The following ELMO2 variants were observed in gnomAD, a reference collection of about 807,000 sequenced individuals.
The protein encoded by ELMO2 is engulfment and cell motility protein 2.
ELMO2 carries 37 observed loss-of-function variants against 96.2 expected under a neutral mutation model. The ratio of observed to expected loss-of-function variants is 0.38; its 90% CI spans 0.30 to 0.51. ELMO2 has a LOEUF of 0.51. ELMO2 is among the 20% of genes least tolerant of loss of function. The pLI is 0.88. For synonymous variants in ELMO2, 315 were observed against 329.4 expected, an observed-to-expected ratio of 0.96 and a Z score of 0.47; for missense variants, 561 against 912.6, an observed-to-expected ratio of 0.61 and a Z score of 4.96.
At chr20:46,404,345 A>G (rs1320922787) in intron 1 of ELMO2, among the ~76,000 whole-genome samples, 1 of 152,214 alleles carries the variant, frequency 6.6e-6, no homozygotes, top group Non-Finnish European at 1.5e-5. Flanking sequence ...ACAAGCTAGA[A>G]TATGCTGTAC....
chr20:46,394,835 A>G (rs569169201), intron 2 of ELMO2, among the ~76,000 whole-genome samples: 71 of 152,208 alleles, frequency 4.7e-4, no homozygotes, highest in Admixed American at 1.2e-3. Flanking sequence ...ATTTACTGCA[A>G]ATTCCTGTCT....
chr20:46,380,197 T>G, intron 11 of ELMO2, 56 bp downstream of exon 11: 1 of 1,374,140 alleles, frequency 7.3e-7, no homozygotes, highest in Non-Finnish European at 1.0e-6. Context: ...ATATTAACAA[T>G]AACAGTAATA....
At position 46,393,075 on chromosome 20, in the gene ELMO2, G is replaced by A. The variant is rs1275275576; in HGVS notation, c.243+18C>T. 1 of 1,611,776 alleles carries A rather than the reference G, an allele frequency of 6.2e-7. No individual in the cohort carries two copies. The highest frequency in any genetic ancestry group is 8.5e-7 in the Non-Finnish European group (1 of 1,178,006). ...GTTTGTGACATGAATAAACTCCTAAGGAAGAAAGAATACCTACCGGGGAGA... is the reference window on the plus strand; with the variant it reads ...GTTTGTGACATGAATAAACTCCTAAAGAAGAAAGAATACCTACCGGGGAGA... On this transcript the variant is annotated intron_variant, in intron 6 of 21. Coordinates refer to ENST00000290246, the MANE Select transcript of ELMO2 (RefSeq NM_133171.5).
chr20:46,375,395 C>T lies in ELMO2; in HGVS notation c.931-25G>A. ...CCTGCGAGGTGAAACAGACAGTCAG[C>T]AGGTGAATCGGCTAACCAAGGGAGC... On this transcript the variant is annotated intron_variant, in intron 12 of 21. Transcript: ENST00000290246. The surrounding 1 kb of genome is among the most constrained non-coding windows in gnomAD (Gnocchi z 4.6). The T allele has an allele frequency of 6.2e-7, 1 of 1,611,684 alleles. No individual in the cohort carries two copies. The highest frequency in any genetic ancestry group is 8.5e-7 in the Non-Finnish European group (1 of 1,178,160).
chr20:46,378,095 TTC>T lies in ELMO2; in HGVS notation c.807+2156_807+2157del, dbSNP rs1230941051. 3.3e-5 allele frequency among the ~76,000 whole-genome samples: 5 copies of T among 152,362 alleles called. No homozygotes were observed. The East Asian group carries it at 9.6e-4, about 29-fold the overall frequency. On this transcript the variant is annotated intron_variant, in intron 11 of 21. Transcript: ENST00000290246. ...TGATTCTGATTTTCATTCTCTTTAA[TTC>T]TCTTTCTCCAACTTAAGAAACATCA...
chr20:46,381,841 C>A (rs952907792), intron 10 of ELMO2, among the ~76,000 whole-genome samples: 1 of 152,174 alleles, frequency 6.6e-6, no homozygotes, highest in Admixed American at 6.5e-5. Context: ...AAAAAGGGCA[C>A]GGATACCTTT....
At chr20:46,394,877 C>T (rs1328620536) in intron 2 of ELMO2, among the ~76,000 whole-genome samples, 4 of 152,162 alleles carry the variant, frequency 2.6e-5, no homozygotes, top group Admixed American at 1.3e-4. Context: ...GCATATGCTC[C>T]GAGACAGATA....
intron 4 of ELMO2, 143 bp from the exon 5 acceptor site, chr20:46,393,744 G>GA: frequency 1.0e-6 from 1 of 987,770 alleles, no homozygotes; most frequent in Non-Finnish European, 1.5e-6. Flanking sequence ...TTGTCATGTT[G>GA]AAAAAATCAT....
At chr20:46,400,738 G>A (rs949579507) in intron 1 of ELMO2, among the ~76,000 whole-genome samples, 1 of 152,264 alleles carries the variant, frequency 6.6e-6, no homozygotes, top group African/African-American at 2.4e-5. Flanking sequence ...CAAACACAGA[G>A]CTGGGAAAAG....
intron 7 of ELMO2, among the ~76,000 whole-genome samples, chr20:46,388,157 C>G (rs2145823815): frequency 6.6e-6 from 1 of 152,280 alleles, no homozygotes; most frequent in African/African-American, 2.4e-5. Context: ...CACAATAATA[C>G]TGCAAGGTAG....
chr20:46,384,896 G>GT, intron 9 of ELMO2, among the ~76,000 whole-genome samples: 2 of 152,192 alleles, frequency 1.3e-5, no homozygotes, highest in East Asian at 3.9e-4. Context: ...TGAGCCTGCA[G>GT]TGAGTTATGA....
chr20:46,377,423 G>A (rs764302141), intron 11 of ELMO2, among the ~76,000 whole-genome samples: 29 of 151,900 alleles, frequency 1.9e-4, no homozygotes, highest in Non-Finnish European at 4.4e-5. Context: ...TCCACTGGAC[G>A]GTCCTGCTCT....
Position 46,393,139 on chromosome 20 carries a change from C to A in ELMO2, c.197G>T (p.Arg66Leu), listed in dbSNP as rs2060181190. The A allele has an allele frequency of 6.2e-7, 1 of 1,613,684 alleles. No homozygotes were observed. The highest frequency in any genetic ancestry group is 2.2e-5 in the East Asian group (1 of 44,886). Residue 66 changes from arginine (R) to leucine (L), a missense_variant, in exon 6 of 22, where the codon CGC becomes CTC. Coordinates refer to ENST00000290246, the MANE Select transcript of ELMO2 (RefSeq NM_133171.5). ...GATTGTCCCATTCTTAATGTCACTG[C>A]GAGTCTGGGTAGTGAAAAATAAACA... Reference protein sequence around the residue: ...GPQLYITEQTRSDIKNGTILQ... With the variant: ...GPQLYITEQTLSDIKNGTILQ...
At chr20:46,385,753 A>G (rs912172393) in intron 9 of ELMO2, among the ~76,000 whole-genome samples, 2 of 152,228 alleles carry the variant, frequency 1.3e-5, no homozygotes, top group East Asian at 1.9e-4. Context: ...AGGGGGCTCT[A>G]TGTTCAAAAT....
intron 1 of ELMO2, among the ~76,000 whole-genome samples, chr20:46,405,992 C>T (rs190598305): frequency 6.6e-6 from 1 of 152,310 alleles, no homozygotes; most frequent in African/African-American, 2.4e-5. Flanking sequence ...ACTGCAACTG[C>T]CCAGGCAGGA....
chr20:46,373,466 C>G lies in ELMO2; in HGVS notation c.1349G>C (p.Gly450Ala), dbSNP rs1568751627. ...THDRAFEELF[G>A]ICIQLLNKTW... ...CTTGTTCAACAGCTGGATGCAGATT[C>G]CAAAGAGCTCTTCAAAGGCTCGGTC... The change falls in exon 16 of 22, where the codon GGA (glycine) becomes GCA (alanine). Residue 450 changes from glycine (G) to alanine (A), a missense_variant. By Grantham distance (60) the Gly-to-Ala change is moderately conservative. Transcript: ENST00000290246. 4 of 1,614,034 alleles carry G rather than the reference C, an allele frequency of 2.5e-6. No homozygotes were observed. The highest frequency in any genetic ancestry group is 3.4e-6 in the Non-Finnish European group (4 of 1,180,046).
At position 46,374,439 on chromosome 20, in the gene ELMO2, A is replaced by G; in HGVS notation, c.1172T>C (p.Ile391Thr). The change falls in exon 15 of 22, where the codon ATT becomes ACT. Residue 391 changes from isoleucine (I) to threonine (T), a missense_variant and splice_region_variant. Physicochemically the swap from Ile to Thr is moderately conservative, Grantham distance 89. Transcript: ENST00000290246. Reference sequence around the variant, plus strand: ...TTCCCGGCTACTGTTCTCCAAGACAATCTGTCGGGGGAAGAGAAAGGGAGG... The same window carrying G: ...TTCCCGGCTACTGTTCTCCAAGACAGTCTGTCGGGGGAAGAGAAAGGGAGG... ...AKVHQDTYIR[I>T]VLENSSREDK... The G allele has an allele frequency of 1.2e-6, 2 of 1,614,086 alleles. No homozygotes were observed. The highest frequency in any genetic ancestry group is 1.7e-6 in the Non-Finnish European group (2 of 1,179,986).
intron 9 of ELMO2, among the ~76,000 whole-genome samples, chr20:46,383,743 A>ATT (rs540979648): frequency 1.8e-3 from 279 of 152,366 alleles, no homozygotes; most frequent in African/African-American, 6.1e-3. Flanking sequence ...ACTACTTAAA[A>ATT]AAGAATGGAA....
intron 1 of ELMO2, among the ~76,000 whole-genome samples, chr20:46,403,752 G>A (rs143120405): frequency 0.01 from 1,584 of 152,296 alleles, 15 homozygotes; most frequent in Admixed American, 0.018. Flanking sequence ...TTACAACAGT[G>A]CTGGTCACGT....
Sources: allele counts gnomAD v4.1 joint callset (sites outside exome capture counted in the v4.1 genomes callset), GRCh38; gene constraint gnomAD v4.1.1; non-coding constraint Gnocchi (gnomAD v3.1); transcripts MANE v1.5; gene names NCBI Gene and HGNC (gene_info 2026-07-23, HGNC 2026-07-21).